The following AKT3 variants were observed in gnomAD, a reference collection of about 807,000 sequenced individuals.
The protein encoded by AKT3 is RAC-gamma serine/threonine-protein kinase.
In AKT3, 15 loss-of-function variants were observed where a neutral mutation model predicts 65.3. That is an observed-to-expected ratio of 0.23 (90% CI 0.15 to 0.35). AKT3 has a LOEUF of 0.35. Ranked by LOEUF, AKT3 falls within the 10% of genes least tolerant of loss-of-function variation. AKT3 has a pLI of 1.00. For synonymous variants in AKT3, 206 were observed against 183.8 expected, an observed-to-expected ratio of 1.12 and a Z score of -0.98; for missense variants, 243 against 576.5, an observed-to-expected ratio of 0.42 and a Z score of 5.92.
chr1:243,491,514 A>G (rs187073718), intron 13 of AKT3, among the ~76,000 whole-genome samples: 1 of 152,354 alleles, frequency 6.6e-6, no homozygotes, highest in East Asian at 1.9e-4. Flanking sequence ...GTGGTCAGAG[A>G]GGAGGCAGGG....
At chr1:243,830,000 T>C (rs142337680) in intron 2 of AKT3, among the ~76,000 whole-genome samples, 200 of 152,270 alleles carry the variant, frequency 1.3e-3, no homozygotes, top group African/African-American at 4.6e-3. Context: ...AAGAGAAACA[T>C]TGACAAACTG....
At chr1:243,585,533 A>T (rs912837423) in intron 8 of AKT3, among the ~76,000 whole-genome samples, 1 of 152,180 alleles carries the variant, frequency 6.6e-6, no homozygotes, top group Non-Finnish European at 1.5e-5. Context: ...GTACTGTAAA[A>T]AAACAGACAC....
intron 3 of AKT3, among the ~76,000 whole-genome samples, chr1:243,690,934 G>A (rs1489901750): frequency 1.3e-5 from 2 of 152,092 alleles, no homozygotes; most frequent in African/African-American, 2.4e-5. Context: ...TAAAATACAA[G>A]CACTAGGAGA....
intron 8 of AKT3, among the ~76,000 whole-genome samples, chr1:243,599,537 T>C (rs962008127): frequency 6.6e-6 from 1 of 152,132 alleles, no homozygotes; most frequent in African/African-American, 2.4e-5. Flanking sequence ...ACAGGTAAAG[T>C]GACACAGCAT....
chr1:243,772,455 A>G (rs1038578965), intron 2 of AKT3, among the ~76,000 whole-genome samples: 4 of 152,266 alleles, frequency 2.6e-5, no homozygotes, highest in African/African-American at 9.6e-5. Flanking sequence ...ATCACTGGCC[A>G]TCAGAGAACT....
At chr1:243,546,260 C>CTTA (rs1216588324) in intron 11 of AKT3, among the ~76,000 whole-genome samples, 1 of 152,134 alleles carries the variant, frequency 6.6e-6, no homozygotes, top group African/African-American at 2.4e-5. Flanking sequence ...GTCCAATAAA[C>CTTA]CCCTTTTTCT....
At chr1:243,583,935 C>A (rs1410606150) in intron 8 of AKT3, among the ~76,000 whole-genome samples, 3 of 151,492 alleles carry the variant, frequency 2.0e-5, no homozygotes, top group Non-Finnish European at 4.4e-5. Flanking sequence ...ACAAACTAAC[C>A]CATAAGCTAG....
chr1:243,695,067 T>C (rs951753246), intron 3 of AKT3, among the ~76,000 whole-genome samples: 4 of 151,976 alleles, frequency 2.6e-5, no homozygotes, highest in Non-Finnish European at 2.9e-5. Flanking sequence ...TTTTGTGCTA[T>C]GTTCATGCAA....
chr1:243,682,692 T>A (rs1684006882), intron 3 of AKT3, among the ~76,000 whole-genome samples: 1 of 152,206 alleles, frequency 6.6e-6, no homozygotes, highest in African/African-American at 2.4e-5. Context: ...CATCTGGAGC[T>A]TTCATTCATT....
At chr1:243,747,770 A>G (rs1688564104) in intron 2 of AKT3, among the ~76,000 whole-genome samples, 1 of 152,226 alleles carries the variant, frequency 6.6e-6, no homozygotes. Context: ...ATAAACACAA[A>G]AAAAATCAAA....
chr1:243,807,867 C>T (rs920712592), intron 2 of AKT3, among the ~76,000 whole-genome samples: 2 of 152,214 alleles, frequency 1.3e-5, no homozygotes, highest in African/African-American at 4.8e-5. Context: ...GCAACATTTG[C>T]TGTTCACCAA....
intron 2 of AKT3, 47 bp from the exon 3 acceptor site, chr1:243,695,763 A>G: frequency 6.6e-7 from 1 of 1,515,936 alleles, no homozygotes; most frequent in Non-Finnish European, 8.8e-7. Flanking sequence ...AATGAACAGC[A>G]GCTTTTATGC....
chr1:243,499,812 G>A lies in AKT3; in HGVS notation c.*5437C>T. On this transcript the variant is annotated 3_prime_UTR_variant, in exon 14 of 14. Transcript: ENST00000673466. ...CTGGATGGAACAGAGTGAAATAAATGATTTACAAAGAGATATTTACATTCA... is the reference window on the plus strand; with the variant it reads ...CTGGATGGAACAGAGTGAAATAAATAATTTACAAAGAGATATTTACATTCA... 3 of 1,605,294 alleles carry A rather than the reference G, an allele frequency of 1.9e-6. No homozygotes were observed. The highest frequency in any genetic ancestry group is 1.7e-5 in the Admixed American group (1 of 60,020).
intron 8 of AKT3, among the ~76,000 whole-genome samples, chr1:243,607,881 G>A (rs919920642): frequency 9.2e-5 from 14 of 152,128 alleles, no homozygotes; most frequent in African/African-American, 3.4e-4. Flanking sequence ...TCACAAGACG[G>A]TTTTATAAGA....
At chr1:243,497,060 C>A (rs1342846636), downstream of AKT3, among the ~76,000 whole-genome samples, 1 of 152,160 alleles carries the variant, frequency 6.6e-6, no homozygotes, top group Non-Finnish European at 1.5e-5. Context: ...GGGCTCATGT[C>A]CCACTGGCAT....
chr1:243,664,598 A>G (rs1179581070), intron 4 of AKT3, among the ~76,000 whole-genome samples, 174 bp downstream of exon 4: 1 of 152,112 alleles, frequency 6.6e-6, no homozygotes, highest in African/African-American at 2.4e-5. Flanking sequence ...GATATATTAA[A>G]TATTATTTTG....
intron 3 of AKT3, among the ~76,000 whole-genome samples, chr1:243,682,237 A>C (rs1683975882): frequency 6.6e-6 from 1 of 152,134 alleles, no homozygotes; most frequent in Non-Finnish European, 1.5e-5. Context: ...CGCAGGCTGC[A>C]GGTGGTGATC....
intron 12 of AKT3, among the ~76,000 whole-genome samples, chr1:243,541,114 C>A (rs1672287347): frequency 6.6e-6 from 1 of 152,080 alleles, no homozygotes; most frequent in Non-Finnish European, 1.5e-5. Flanking sequence ...ATCCTCTTTC[C>A]TAAACTTTTG....
rs914823322 is a variant in AKT3 at position 243,843,662 on chromosome 1, T to G, written c.-112-380A>C. ...AAGCAATTGTAAATTTTTTGTTTTT[T>G]TTTTTTTTGAAACGGAATCTCACTC... is the stretch of plus-strand genomic sequence containing the variant. On this transcript the variant is annotated intron_variant, in intron 1 of 13. Coordinates refer to ENST00000673466, the MANE Select transcript of AKT3 (RefSeq NM_005465.7). 152 of 864,320 alleles carry G rather than the reference T, an allele frequency of 1.8e-4. No individual in the cohort carries two copies. In the African/African-American group the frequency reaches 2.7e-3, roughly 15 times the overall value. 53.5% of individuals were successfully genotyped at this position (864,320 alleles called of 1,614,324 possible). A position where few individuals can be genotyped will look rare whatever the true frequency, so the allele number is the denominator to read the frequency against.
Sources: allele counts gnomAD v4.1 joint callset (sites outside exome capture counted in the v4.1 genomes callset), GRCh38; gene constraint gnomAD v4.1.1; transcripts MANE v1.5; gene names NCBI Gene and HGNC (gene_info 2026-07-23, HGNC 2026-07-21).